SLC4A5: variants seen among roughly 807,000 people sequenced by gnomAD.
SLC4A5 encodes electrogenic sodium bicarbonate cotransporter 4.
SLC4A5 carries 96 observed loss-of-function variants against 120.4 expected under a neutral mutation model. That is an observed-to-expected ratio of 0.80 (90% CI 0.68 to 0.94). The LOEUF is 0.94. SLC4A5 is among the 40% of genes least tolerant of loss of function. SLC4A5 has a pLI of 0.00. For synonymous variants in SLC4A5, 550 were observed against 571.1 expected (o/e 0.96, Z 0.53); for missense variants, 1,259 against 1,459.5 (o/e 0.86, Z 2.24).
chr2:74,312,527 G>A (rs904415066), intron 6 of SLC4A5, among the ~76,000 whole-genome samples: 1 of 152,122 alleles, frequency 6.6e-6, no homozygotes, highest in Admixed American at 6.6e-5. Context: ...ATCGCACCTG[G>A]CCTGTGTCTT....
rs754881999 is a variant in SLC4A5, at chr2:74,321,988, GCA to G, written c.-3+6130_-3+6131del. On this transcript the variant is annotated intron_variant, in intron 5 of 30. Coordinates refer to ENST00000394019, the Ensembl canonical transcript of SLC4A5. The stretch of plus-strand genomic sequence containing the variant: ...TAATTGAAAGTGACACAGTTGGAAT[GCA>G]CAGTTTGTCCTTTACCCTCCTGCTT... 6.0e-4 allele frequency among the ~76,000 whole-genome samples: 92 copies of G among 152,170 alleles called. 1 individual carries two copies. Among genetic ancestry groups the G allele is most frequent in the African/African-American group, 2.0e-3 (85 of 41,514 alleles).
intron 10 of SLC4A5, 90 bp downstream of exon 10, chr2:74,264,057 C>T: frequency 6.8e-7 from 1 of 1,480,578 alleles, no homozygotes; most frequent in Non-Finnish European, 9.0e-7. Context: ...TCTCCAGAAA[C>T]TCCCAGCCCC....
intron 18 of SLC4A5, among the ~76,000 whole-genome samples, 195 bp downstream of exon 18, chr2:74,248,158 T>TA (rs1670676352): frequency 6.6e-6 from 1 of 152,182 alleles, no homozygotes; most frequent in South Asian, 2.1e-4. Flanking sequence ...GCTGTGCCAA[T>TA]ATGCACTAAG....
chr2:74,232,927 C>T (rs1670143762), intron 23 of SLC4A5, among the ~76,000 whole-genome samples: 1 of 152,182 alleles, frequency 6.6e-6, no homozygotes, highest in Non-Finnish European at 1.5e-5. Flanking sequence ...AAGGTGGCCA[C>T]AGGGTCTTTG....
At chr2:74,298,278 G>C (rs1672387445) in intron 7 of SLC4A5, among the ~76,000 whole-genome samples, 1 of 152,122 alleles carries the variant, frequency 6.6e-6, no homozygotes, top group Non-Finnish European at 1.5e-5. Flanking sequence ...CACATACATG[G>C]TCAACTAGTA....
chr2:74,331,245 T>C (rs935294799), intron 4 of SLC4A5, among the ~76,000 whole-genome samples: 2 of 150,638 alleles, frequency 1.3e-5, no homozygotes, highest in African/African-American at 2.5e-5. Context: ...GAGGTCTAGA[T>C]GGTGGTGGTG....
Position 74,315,447 on chromosome 2 carries a change from GAAA to G in SLC4A5, c.-2-425_-2-423del, listed in dbSNP as rs57640033. On this transcript the variant is annotated intron_variant, in intron 5 of 30. Transcript: ENST00000394019. ...AGAGCAAGACTCTGTCTTACGAAAA[GAAA>G]AAAAAAAAAAAAAAAGGACATATAA... is the stretch of plus-strand genomic sequence containing the variant. 3.7e-3 allele frequency among the ~76,000 whole-genome samples: 304 copies of G among 83,150 alleles called. 3 individuals carry two copies. The highest frequency in any genetic ancestry group is 9.4e-3 in the African/African-American group (291 of 30,840). The allele number at this position is 83,150 out of a possible 152,430, so 54.5% of individuals were successfully genotyped here. A position where few individuals can be genotyped will look rare whatever the true frequency, so the allele number is the denominator to read the frequency against.
At chr2:74,222,763 G>A in intron 29 of SLC4A5, 105 bp downstream of exon 29, 1 of 1,051,022 alleles carries the variant, frequency 9.5e-7, no homozygotes, top group Non-Finnish European at 1.5e-6. Context: ...TGCTGCTCTA[G>A]CATCCAAAAT....
chr2:74,276,751 G>A (rs1219836188), intron 8 of SLC4A5, among the ~76,000 whole-genome samples: 3 of 143,200 alleles, frequency 2.1e-5, no homozygotes, highest in African/African-American at 5.5e-5. Flanking sequence ...AGGATATAGC[G>A]AGTCCTCCCC....
chr2:74,316,128 G>A (rs982913174), intron 5 of SLC4A5, among the ~76,000 whole-genome samples: 1 of 151,542 alleles, frequency 6.6e-6, no homozygotes, highest in Admixed American at 6.6e-5. Flanking sequence ...TCTGTTTCTG[G>A]AACTATAGCC....
chr2:74,337,552 T>G (rs1248811710), intron 3 of SLC4A5, among the ~76,000 whole-genome samples: 1 of 152,228 alleles, frequency 6.6e-6, no homozygotes, highest in Non-Finnish European at 1.5e-5. Flanking sequence ...CTTGAGTTTA[T>G]GGGCCGAAAC....
In SLC4A5 at chr2:74,265,401, G is replaced by A. The variant is rs141714716; in HGVS notation, c.402-137C>T. 2.1e-5 allele frequency: 21 copies of A among 1,018,158 alleles called. No homozygotes were observed. The East Asian group carries it at 4.9e-4, about 24-fold the overall frequency. 63.1% of individuals were successfully genotyped at this position (1,018,158 alleles called of 1,614,324 possible). On this transcript the variant is annotated intron_variant, in intron 8 of 30. Coordinates refer to ENST00000394019, the Ensembl canonical transcript of SLC4A5. ...GGTGTTGGTCCCAGACTCACAGGCA[G>A]AGGATCTCTTGGGGATCCCCTCATT...
chr2:74,310,882 T>C (rs1672784834), intron 6 of SLC4A5, among the ~76,000 whole-genome samples: 1 of 152,072 alleles, frequency 6.6e-6, no homozygotes, highest in South Asian at 2.1e-4. Context: ...TGATATCCTT[T>C]CTTCCTTAAA....
At chr2:74,241,921 T>C in intron 20 of SLC4A5, 73 bp downstream of exon 20, 1 of 1,480,120 alleles carries the variant, frequency 6.8e-7, no homozygotes, top group South Asian at 1.1e-5. Flanking sequence ...GTTGGTCTCA[T>C]TTCCAAAATC....
At chr2:74,340,097 G>T (rs1403260968) in intron 2 of SLC4A5, among the ~76,000 whole-genome samples, 1 of 152,166 alleles carries the variant, frequency 6.6e-6, no homozygotes, top group African/African-American at 2.4e-5. Flanking sequence ...TGATGAAAAA[G>T]TTCTGGAAAT....
At chr2:74,260,346 T>C (rs944265237) in intron 11 of SLC4A5, among the ~76,000 whole-genome samples, 4 of 152,060 alleles carry the variant, frequency 2.6e-5, no homozygotes, top group African/African-American at 7.2e-5. Context: ...CTCTCCTGCT[T>C]GGACATCCCA....
chr2:74,296,926 C>A (rs1446037610), intron 7 of SLC4A5, among the ~76,000 whole-genome samples: 1 of 152,008 alleles, frequency 6.6e-6, no homozygotes, highest in Non-Finnish European at 1.5e-5. Flanking sequence ...CCTTTCTTAT[C>A]AGAAAAGAAA....
intron 19 of SLC4A5, among the ~76,000 whole-genome samples, chr2:74,244,185 G>C (rs146742598): frequency 3.1e-4 from 47 of 152,228 alleles, no homozygotes; most frequent in Admixed American, 1.8e-3. Context: ...TCTAGTTCTA[G>C]TTCCTTTACT....
At chr2:74,231,269 C>G in exon 25 of SLC4A5, 1 of 1,612,204 alleles carries the variant, frequency 6.2e-7, no homozygotes, top group Non-Finnish European at 8.5e-7. Context: ...CAGAGATTCC[C>G]GTCAGGATGA....
Sources: gnomAD v4.1 joint callset for allele counts (sites outside exome capture counted in the v4.1 genomes callset) on GRCh38, gnomAD v4.1.1 for gene constraint, MANE v1.5 for transcripts, NCBI Gene and HGNC (gene_info 2026-07-23, HGNC 2026-07-21) for gene names.